Variants in KIAA1549L observed in about 807,000 individuals in gnomAD.
KIAA1549L encodes UPF0606 protein KIAA1549L.
KIAA1549L carries 88 observed loss-of-function variants against 160.7 expected under a neutral mutation model. The observed-to-expected ratio is 0.55, with a 90% CI of 0.46 to 0.65. The LOEUF is 0.65. Among genes scored for constraint, KIAA1549L ranks in the 30% least tolerant of loss-of-function variants. The probability of loss-of-function intolerance (pLI) is 0.00; values close to 1 mark genes in which losing one functional copy is unlikely to be tolerated. For synonymous variants in KIAA1549L, 950 were observed against 976.7 expected (o/e 0.97, Z 0.51); for missense variants, 2,258 against 2,437.5 (o/e 0.93, Z 1.55).
intron 1 of KIAA1549L, among the ~76,000 whole-genome samples, chr11:33,410,978 A>C (rs2761204): frequency 0.024 from 3,581 of 152,230 alleles, 146 homozygotes; most frequent in African/African-American, 0.082. Flanking sequence ...GGATTTGGCC[A>C]CACAAGGACC....
At chr11:33,635,587 C>G (rs930768336) in intron 16 of KIAA1549L, among the ~76,000 whole-genome samples, 4 of 152,300 alleles carry the variant, frequency 2.6e-5, no homozygotes, top group Admixed American at 1.3e-4. Context: ...TGTAAAACCC[C>G]TGTTCACTTC....
chr11:33,592,102 G>C (rs1287888374), intron 12 of KIAA1549L, among the ~76,000 whole-genome samples: 6 of 152,212 alleles, frequency 3.9e-5, no homozygotes, highest in African/African-American at 9.7e-5. Flanking sequence ...AGTCTAAAAA[G>C]AGTGGGGAGA....
chr11:33,493,644 A>T (rs1331993271), intron 1 of KIAA1549L, among the ~76,000 whole-genome samples: 1 of 152,214 alleles, frequency 6.6e-6, no homozygotes, highest in Non-Finnish European at 1.5e-5. Flanking sequence ...AGAAATAATG[A>T]TGGAGAATTG....
At chr11:33,473,281 G>A (rs1029739027) in intron 1 of KIAA1549L, among the ~76,000 whole-genome samples, 6 of 152,150 alleles carry the variant, frequency 3.9e-5, no homozygotes, top group African/African-American at 1.2e-4. Flanking sequence ...GAAAGGAGGA[G>A]GCAAGTGGAA....
intron 1 of KIAA1549L, among the ~76,000 whole-genome samples, chr11:33,435,120 A>G (rs1851327250): frequency 6.6e-6 from 1 of 152,218 alleles, no homozygotes; most frequent in Admixed American, 6.5e-5. Context: ...ATTAATCATA[A>G]AAGTTCAGGA....
intron 11 of KIAA1549L, among the ~76,000 whole-genome samples, chr11:33,590,696 G>C (rs912807628): frequency 6.6e-6 from 1 of 152,212 alleles, no homozygotes; most frequent in Admixed American, 6.5e-5. Context: ...TCAGATCTGT[G>C]ATCCACTTTA....
chr11:33,532,271 G>A (rs1156592904), intron 1 of KIAA1549L, among the ~76,000 whole-genome samples: 1 of 152,246 alleles, frequency 6.6e-6, no homozygotes, highest in African/African-American at 2.4e-5. Flanking sequence ...GGCATGCACA[G>A]ATGTTTGAGA....
chr11:33,477,155 C>T (rs1297078800), intron 1 of KIAA1549L, among the ~76,000 whole-genome samples: 1 of 152,076 alleles, frequency 6.6e-6, no homozygotes, highest in Non-Finnish European at 1.5e-5. Flanking sequence ...AGAGCTGTGT[C>T]AGTTAAGAAT....
At chr11:33,501,240 C>T (rs1852941560) in intron 1 of KIAA1549L, among the ~76,000 whole-genome samples, 1 of 152,220 alleles carries the variant, frequency 6.6e-6, no homozygotes, top group South Asian at 2.1e-4. Flanking sequence ...CAAATACAGA[C>T]ATCCTTTGTC....
At chr11:33,623,717 T>G (rs1025599689) in intron 16 of KIAA1549L, among the ~76,000 whole-genome samples, 2 of 152,104 alleles carry the variant, frequency 1.3e-5, no homozygotes, top group African/African-American at 4.8e-5. Flanking sequence ...GGTGGGATGC[T>G]TGTTGTCAGG....
chr11:33,439,152 TC>T (rs1189595663), intron 1 of KIAA1549L, among the ~76,000 whole-genome samples: 1 of 152,170 alleles, frequency 6.6e-6, no homozygotes, highest in Non-Finnish European at 1.5e-5. Flanking sequence ...CCTCAGGTGA[TC>T]CACCTGCCTT....
chr11:33,590,393 G>A (rs996020465), intron 11 of KIAA1549L, among the ~76,000 whole-genome samples: 8 of 152,278 alleles, frequency 5.3e-5, no homozygotes, highest in African/African-American at 1.9e-4. Flanking sequence ...AATCTGTATT[G>A]TACTGCTTTG....
intron 1 of KIAA1549L, among the ~76,000 whole-genome samples, chr11:33,471,407 T>C (rs1205958758): frequency 6.6e-6 from 1 of 152,132 alleles, no homozygotes; most frequent in Non-Finnish European, 1.5e-5. Flanking sequence ...TTGGTAAACT[T>C]TATGAAGATT....
At position 33,545,084 on chromosome 11, in the gene KIAA1549L, A is replaced by G. The variant is rs1854196318; in HGVS notation, c.3091A>G (p.Thr1031Ala). The change falls in exon 3 of 21, where the codon ACT (threonine) becomes GCT (alanine). Residue 1031 changes from threonine (T) to alanine (A), a missense_variant. Thr to Ala is a moderately conservative substitution (Grantham distance 58). Coordinates refer to ENST00000658780, the MANE Select transcript of KIAA1549L (RefSeq NM_012194.3). ...THTAMQGNMD[T>A]ASGLLSTTYL... is the part of the protein sequence containing the mutation. ...TACAGCCATGCAAGGAAACATGGAC[A>G]CTGCCTCTGGCCTGTTGTCTACAAC... is the stretch of plus-strand genomic sequence containing the variant. 6.2e-7 allele frequency: 1 copy of G among 1,614,050 alleles called. No individual in the cohort carries two copies. The highest frequency in any genetic ancestry group is 8.5e-7 in the Non-Finnish European group (1 of 1,179,900).
intron 16 of KIAA1549L, among the ~76,000 whole-genome samples, chr11:33,622,584 A>G (rs1219539240): frequency 6.6e-6 from 1 of 152,216 alleles, no homozygotes; most frequent in Non-Finnish European, 1.5e-5. Context: ...TCCGGAGTGC[A>G]CACAAGTGCA....
At chr11:33,412,999 T>A (rs977963945) in intron 1 of KIAA1549L, among the ~76,000 whole-genome samples, 1 of 152,152 alleles carries the variant, frequency 6.6e-6, no homozygotes, top group African/African-American at 2.4e-5. Flanking sequence ...AAATACATGA[T>A]CTTGGTGGAT....
intron 1 of KIAA1549L, among the ~76,000 whole-genome samples, chr11:33,475,362 A>G (rs1338087576): frequency 6.6e-6 from 1 of 152,206 alleles, no homozygotes; most frequent in African/African-American, 2.4e-5. Context: ...TCTTAAACAA[A>G]AGTGCATATC....
At chr11:33,614,531 GATATATATATATATATATATATATATAT>G (rs780446812) in intron 15 of KIAA1549L, among the ~76,000 whole-genome samples, 723 of 27,102 alleles carry the variant, frequency 0.027, 100 homozygotes, top group Non-Finnish European at 0.032. Context: ...AGTGTAACAA[GATATATATATATATATATATATATATAT>G]ATATATATAT....
intron 1 of KIAA1549L, among the ~76,000 whole-genome samples, chr11:33,478,411 G>C (rs375709436): frequency 2.0e-5 from 3 of 152,240 alleles, no homozygotes; most frequent in African/African-American, 4.8e-5. Flanking sequence ...GAACCCGTTG[G>C]GGGAGGAACA....
Sources: allele counts gnomAD v4.1 joint callset (sites outside exome capture counted in the v4.1 genomes callset), GRCh38; gene constraint gnomAD v4.1.1; transcripts MANE v1.5; gene names NCBI Gene and HGNC (gene_info 2026-07-23, HGNC 2026-07-21).